The following NAALADL2 variants were observed in gnomAD, a reference collection of about 807,000 sequenced individuals.
NAALADL2 encodes the protein N-acetylated alpha-linked acidic dipeptidase like 2.
NAALADL2 carries 76 observed loss-of-function variants against 87.2 expected under a neutral mutation model. The observed-to-expected ratio is 0.87, with a 90% CI of 0.72 to 1.05. The LOEUF (loss-of-function observed/expected upper bound fraction) is 1.05, where lower values mean the gene tolerates loss of function less well. NAALADL2 is among the 50% of genes least tolerant of loss of function. The pLI, the probability that NAALADL2 is intolerant of heterozygous loss-of-function variation, is 0.00. For synonymous variants in NAALADL2, 354 were observed against 331.0 expected, an observed-to-expected ratio of 1.07 and a Z score of -0.75; for missense variants, 1,089 against 945.8, an observed-to-expected ratio of 1.15 and a Z score of -1.99.
intron 4 of NAALADL2, among the ~76,000 whole-genome samples, chr3:175,311,832 T>A (rs1202896608): frequency 6.6e-6 from 1 of 152,152 alleles, no homozygotes; most frequent in Non-Finnish European, 1.5e-5. Flanking sequence ...CAAGTATTTT[T>A]TTCCTTTACA....
At chr3:174,871,590 C>T (rs116381119) in intron 1 of NAALADL2, among the ~76,000 whole-genome samples, 2,926 of 152,238 alleles carry the variant, frequency 0.019, 104 homozygotes, top group African/African-American at 0.066. Context: ...TAGAAACATA[C>T]ATCTGAGCTA....
chr3:175,160,404 T>A (rs1733007846), intron 2 of NAALADL2, among the ~76,000 whole-genome samples: 1 of 121,260 alleles, frequency 8.2e-6, no homozygotes, highest in African/African-American at 3.4e-5. Context: ...AGAGGTTTGC[T>A]CTTGTTGCCC....
chr3:175,028,606 C>G (rs1332109534), intron 1 of NAALADL2, among the ~76,000 whole-genome samples: 3 of 151,792 alleles, frequency 2.0e-5, no homozygotes, highest in Admixed American at 6.6e-5. Context: ...AGTGTTTTCC[C>G]TAAGATCTAA....
In NAALADL2 at chr3:175,282,369, C is replaced by A. The variant is rs555238309; in HGVS notation, c.939+25839C>A. Among the ~76,000 whole-genome samples the A allele has an allele frequency of 3.3e-5, 5 of 152,142 alleles. No individual in the cohort carries two copies. The South Asian group carries it at 6.2e-4, about 19-fold the overall frequency. On this transcript the variant is annotated intron_variant, in intron 4 of 13. Coordinates refer to ENST00000454872, the MANE Select transcript of NAALADL2 (RefSeq NM_207015.3). ...TCTGCTTTAAAGAACACTTAACAGA[C>A]TACAGCTATATAGGTGTTCTGTATC... is the stretch of plus-strand genomic sequence containing the variant.
chr3:174,485,582 G>A (rs1438998746), intron 1 of NAALADL2, among the ~76,000 whole-genome samples: 1 of 151,832 alleles, frequency 6.6e-6, no homozygotes, highest in Non-Finnish European at 1.5e-5. Context: ...GTTTGTTAAA[G>A]ATAATGATCT....
chr3:175,334,200 G>A (rs1034977139), intron 5 of NAALADL2, among the ~76,000 whole-genome samples: 1 of 152,042 alleles, frequency 6.6e-6, no homozygotes, highest in Non-Finnish European at 1.5e-5. Context: ...CTATTGTTGC[G>A]TGTTTTAAGT....
At chr3:175,786,100 G>T (rs1216465140) in intron 13 of NAALADL2, among the ~76,000 whole-genome samples, 1 of 152,078 alleles carries the variant, frequency 6.6e-6, no homozygotes, top group Non-Finnish European at 1.5e-5. Flanking sequence ...CCCTTTGAGG[G>T]TAACCCAACC....
At chr3:175,724,261 G>A (rs540906098) in intron 11 of NAALADL2, among the ~76,000 whole-genome samples, 1 of 152,120 alleles carries the variant, frequency 6.6e-6, no homozygotes, top group Non-Finnish European at 1.5e-5. Context: ...CTGGGATATT[G>A]GAGAAGCAAG....
intron 9 of NAALADL2, among the ~76,000 whole-genome samples, chr3:175,549,209 A>T (rs577306593): frequency 4.2e-4 from 64 of 151,944 alleles, no homozygotes; most frequent in African/African-American, 1.5e-3. Flanking sequence ...GACTATTTTC[A>T]TTACTCTGTA....
At chr3:175,228,032 G>T (rs1744408757) in intron 2 of NAALADL2, among the ~76,000 whole-genome samples, 2 of 151,884 alleles carry the variant, frequency 1.3e-5, no homozygotes, top group Admixed American at 1.3e-4. Context: ...CTAGAGACCA[G>T]TATTTCTACA....
intron 1 of NAALADL2, among the ~76,000 whole-genome samples, chr3:174,914,693 A>T (rs7630119): frequency 2.0e-5 from 3 of 151,972 alleles, no homozygotes; most frequent in African/African-American, 7.3e-5. Context: ...TCAAATATAG[A>T]TATAATTCAT....
At chr3:174,449,182 G>A (rs1715288225) in intron 1 of NAALADL2, among the ~76,000 whole-genome samples, 1 of 152,140 alleles carries the variant, frequency 6.6e-6, no homozygotes, top group Admixed American at 6.5e-5. Flanking sequence ...TCATCCATCT[G>A]TGTGACTAAT....
intron 11 of NAALADL2, among the ~76,000 whole-genome samples, chr3:175,628,619 A>G (rs1312363235): frequency 6.7e-5 from 9 of 134,686 alleles, no homozygotes; most frequent in African/African-American, 2.3e-4. Context: ...CTCTCTATGT[A>G]TATATATATA....
intron 2 of NAALADL2, among the ~76,000 whole-genome samples, chr3:174,686,372 GTTAT>G (rs1253072135): frequency 6.6e-6 from 1 of 151,890 alleles, no homozygotes; most frequent in Non-Finnish European, 1.5e-5. Context: ...TGAAGCATCT[GTTAT>G]TTTTTGACTT....
chr3:175,392,703 G>A (rs1182753929), intron 5 of NAALADL2, among the ~76,000 whole-genome samples: 1 of 152,124 alleles, frequency 6.6e-6, no homozygotes, highest in Non-Finnish European at 1.5e-5. Flanking sequence ...GGAAGAGCTA[G>A]CACAACTTTG....
chr3:175,579,223 C>CTATCTATCTATCATCT (rs367868281), intron 10 of NAALADL2, among the ~76,000 whole-genome samples: 24 of 146,902 alleles, frequency 1.6e-4, no homozygotes, highest in African/African-American at 5.9e-4. Flanking sequence ...ATCTATCTAT[C>CTATCTATCTATCATCT]ATCTATCATC....
chr3:175,336,982 A>G (rs1309045513), intron 5 of NAALADL2, among the ~76,000 whole-genome samples: 1 of 152,174 alleles, frequency 6.6e-6, no homozygotes, highest in African/African-American at 2.4e-5. Context: ...CTGAAAAGAT[A>G]ATGTGCTTTA....
chr3:174,809,600 A>T (rs978956198), intron 3 of NAALADL2, among the ~76,000 whole-genome samples: 2 of 151,630 alleles, frequency 1.3e-5, no homozygotes, highest in Middle Eastern at 3.2e-3. Context: ...CATATTTAAG[A>T]AAGTGGCCTC....
intron 2 of NAALADL2, among the ~76,000 whole-genome samples, chr3:174,730,018 T>A (rs753948953): frequency 2.0e-5 from 3 of 152,092 alleles, no homozygotes; most frequent in Admixed American, 6.6e-5. Flanking sequence ...TAGAGGACTT[T>A]CTATGAAAGG....
Sources: allele counts gnomAD v4.1 joint callset (sites outside exome capture counted in the v4.1 genomes callset), GRCh38; gene constraint gnomAD v4.1.1; transcripts MANE v1.5; gene names NCBI Gene and HGNC (gene_info 2026-07-23, HGNC 2026-07-21).